Variants in DIAPH2 observed in about 807,000 individuals in gnomAD.
The protein encoded by DIAPH2 is diaphanous related formin 2.
DIAPH2 carries 35 observed loss-of-function variants against 92.7 expected under a neutral mutation model. The observed-to-expected ratio is 0.38, with a 90% confidence interval of 0.29 to 0.50. The LOEUF is 0.50. Among genes scored for constraint, DIAPH2 ranks in the 20% least tolerant of loss-of-function variants. DIAPH2 has a pLI of 0.94. For missense variants in DIAPH2, 701 were observed against 819.5 expected, an observed-to-expected ratio of 0.86 and a Z score of 1.77; for synonymous variants, 301 against 280.4, an observed-to-expected ratio of 1.07 and a Z score of -0.73.
chrX:97,585,944 A>C (rs1330457096), intron 26 of DIAPH2, among the ~76,000 whole-genome samples: 1 of 111,924 alleles, frequency 8.9e-6, no homozygotes, highest in Non-Finnish European at 1.9e-5. Context: ...CGTGTACTGT[A>C]ATGGTTCTTT....
intron 1 of DIAPH2, among the ~76,000 whole-genome samples, chrX:96,691,612 A>G (rs1367502542): frequency 8.9e-6 from 1 of 112,317 alleles, no homozygotes; most frequent in Non-Finnish European, 1.9e-5. Context: ...TGGCAGGGAA[A>G]GGTATTGGTC....
At chrX:97,476,370 C>T (rs1339587092) in intron 26 of DIAPH2, among the ~76,000 whole-genome samples, 4 of 111,914 alleles carry the variant, frequency 3.6e-5, no homozygotes, top group African/African-American at 1.3e-4. Flanking sequence ...GAGTGAAGTT[C>T]AGCTTGGGTT....
intron 17 of DIAPH2, among the ~76,000 whole-genome samples, chrX:97,030,955 G>A (rs963913800): frequency 1.8e-5 from 2 of 111,724 alleles, no homozygotes; most frequent in African/African-American, 6.5e-5. Context: ...TAGAGACTTT[G>A]TGCCTTTACT....
chrX:97,463,189 C>T (rs749713559), intron 26 of DIAPH2, among the ~76,000 whole-genome samples: 3 of 109,238 alleles, frequency 2.7e-5, no homozygotes, highest in South Asian at 4.1e-4. Flanking sequence ...CTTCACTTAT[C>T]CTCATCTAAC....
At chrX:97,173,475 A>G (rs1358599473) in intron 22 of DIAPH2, among the ~76,000 whole-genome samples, 1 of 112,408 alleles carries the variant, frequency 8.9e-6, no homozygotes, top group African/African-American at 3.2e-5. Context: ...TGCATGACAT[A>G]TATAACAAAC....
At chrX:97,015,223 CA>C (rs1438302454) in intron 17 of DIAPH2, among the ~76,000 whole-genome samples, 1 of 111,399 alleles carries the variant, frequency 9.0e-6, no homozygotes, top group Non-Finnish European at 1.9e-5. Context: ...TTACAGTCAT[CA>C]AAATGTACCA....
At chrX:97,590,644 G>T (rs918727305) in intron 26 of DIAPH2, among the ~76,000 whole-genome samples, 1 of 112,066 alleles carries the variant, frequency 8.9e-6, no homozygotes, top group African/African-American at 3.3e-5. Context: ...CCACCATGCC[G>T]TTTAACAGCT....
At chrX:97,351,817 C>T (rs1416898543) in intron 24 of DIAPH2, among the ~76,000 whole-genome samples, 2 of 108,826 alleles carry the variant, frequency 1.8e-5, no homozygotes, top group African/African-American at 6.6e-5. Flanking sequence ...CAAAACAAAA[C>T]AAAAAAAAGT....
chrX:96,968,532 T>G (rs1398700524), intron 17 of DIAPH2, among the ~76,000 whole-genome samples: 1 of 112,003 alleles, frequency 8.9e-6, no homozygotes, highest in Non-Finnish European at 1.9e-5. Context: ...ATGTCTTCTT[T>G]TGAGAAGTGT....
intron 9 of DIAPH2, among the ~76,000 whole-genome samples, chrX:96,929,247 T>C (rs1172956685): frequency 2.7e-5 from 3 of 111,653 alleles, no homozygotes; most frequent in African/African-American, 9.7e-5. Context: ...AAGATTTACA[T>C]GATTTCCTGT....
chrX:97,534,349 C>T (rs1298175328), intron 26 of DIAPH2, among the ~76,000 whole-genome samples: 2 of 110,302 alleles, frequency 1.8e-5, no homozygotes, highest in African/African-American at 6.6e-5. Flanking sequence ...TTTCATTCAC[C>T]CCCATTCTTA....
chrX:96,905,019 G>A (rs756306977), intron 5 of DIAPH2, among the ~76,000 whole-genome samples: 32 of 110,893 alleles, frequency 2.9e-4, no homozygotes, highest in African/African-American at 9.2e-4. Flanking sequence ...ACCATTAGAG[G>A]GAAATAAAAT....
intron 22 of DIAPH2, among the ~76,000 whole-genome samples, chrX:97,226,783 G>C (rs1397166940): frequency 8.9e-6 from 1 of 112,186 alleles, no homozygotes; most frequent in African/African-American, 3.2e-5. Context: ...ATTTGTGTGT[G>C]TGTATATATA....
intron 17 of DIAPH2, among the ~76,000 whole-genome samples, chrX:97,013,920 A>G (rs1019666373): frequency 3.6e-5 from 4 of 112,215 alleles, no homozygotes; most frequent in Non-Finnish European, 7.5e-5. Context: ...AGGCGGAATC[A>G]GTGAGCATTG....
chrX:97,435,329 G>T (rs1191172302), intron 26 of DIAPH2, among the ~76,000 whole-genome samples: 1 of 111,399 alleles, frequency 9.0e-6, no homozygotes, highest in Non-Finnish European at 1.9e-5. Flanking sequence ...AGGTACTGAG[G>T]ATACAAAATC....
intron 22 of DIAPH2, among the ~76,000 whole-genome samples, chrX:97,185,701 G>T (rs1244309512): frequency 9.6e-6 from 1 of 103,636 alleles, no homozygotes; most frequent in South Asian, 4.4e-4. Context: ...TGCATACTTT[G>T]TTAACCATTT....
intron 22 of DIAPH2, among the ~76,000 whole-genome samples, chrX:97,207,181 A>G (rs2067804076): frequency 9.0e-6 from 1 of 111,535 alleles, no homozygotes; most frequent in Admixed American, 9.6e-5. Context: ...AGGTATTTGC[A>G]TGTTTTGTCT....
At chrX:96,869,251 A>G (rs996346972) in intron 4 of DIAPH2, among the ~76,000 whole-genome samples, 2 of 110,256 alleles carry the variant, frequency 1.8e-5, no homozygotes, top group Non-Finnish European at 3.8e-5. Flanking sequence ...AAGGAATTCC[A>G]TGGACCCCTG....
intron 23 of DIAPH2, among the ~76,000 whole-genome samples, chrX:97,258,889 A>AAAC (rs1178257689): frequency 3.5e-4 from 36 of 102,078 alleles, no homozygotes; most frequent in African/African-American, 6.0e-4. Flanking sequence ...AAAAAAAAAA[A>AAAC]AACAACAACA....
Sources: allele counts gnomAD v4.1 joint callset (sites outside exome capture counted in the v4.1 genomes callset), GRCh38; gene constraint gnomAD v4.1.1; transcripts MANE v1.5; gene names NCBI Gene and HGNC (gene_info 2026-07-23, HGNC 2026-07-21).